SYNPO2L: variants seen among roughly 807,000 people sequenced by gnomAD.
The protein encoded by SYNPO2L is synaptopodin 2 like.
SYNPO2L carries 34 observed loss-of-function variants against 47.5 expected under a neutral mutation model. That is an observed-to-expected ratio of 0.72 (90% CI 0.54 to 0.95). The LOEUF (loss-of-function observed/expected upper bound fraction) is 0.95, where lower values mean the gene tolerates loss of function less well. SYNPO2L is among the 40% of genes least tolerant of loss of function. The pLI is 0.00. For missense variants in SYNPO2L, 1,246 were observed against 1,282.0 expected (o/e 0.97, Z 0.43); for synonymous variants, 536 against 524.9 (o/e 1.02, Z -0.29).
chr10:73,653,752 G>T, intron 2 of SYNPO2L, 99 bp from the exon 3 acceptor site: 1 of 1,402,518 alleles, frequency 7.1e-7, no homozygotes. Flanking sequence ...GGAGGGAAGA[G>T]GTAAGGGAGA....
intron 3 of SYNPO2L, among the ~76,000 whole-genome samples, chr10:73,652,066 CAAA>C (rs1178972762): frequency 4.2e-5 from 2 of 47,798 alleles, no homozygotes; most frequent in Non-Finnish European, 5.8e-5. Context: ...GACTCTATCT[CAAA>C]AAAAAAAAAA....
Position 73,654,199 on chromosome 10 carries a change from T to C in SYNPO2L, c.187A>G (p.Asn63Asp), listed in dbSNP as rs752539500. The change falls in exon 2 of 4, where the codon AAC (asparagine) becomes GAC (aspartate). Residue 63 changes from asparagine to aspartate, a missense_variant. Physicochemically the swap from Asn to Asp is conservative, Grantham distance 23. This residue lies in a region of SYNPO2L where 148 missense variants were observed against 204.8 expected (regional missense o/e 0.72). Coordinates refer to ENST00000394810, the MANE Select transcript of SYNPO2L (RefSeq NM_001114133.3). Reference protein sequence around the residue: ...LLAINGVSCTNLSHASAMSLI... With the variant: ...LLAINGVSCTDLSHASAMSLI... ...CTCATGGCACTGGCATGGGAGAGGT[T>C]GGTGCAAGAGACCCCATTGATTGCC... The C allele has an allele frequency of 6.4e-7, 1 of 1,551,594 alleles. No homozygotes were observed. The highest frequency in any genetic ancestry group is 1.2e-5 in the South Asian group (1 of 84,048).
intron 3 of SYNPO2L, among the ~76,000 whole-genome samples, chr10:73,651,833 T>A (rs2132422164): frequency 6.6e-6 from 1 of 152,168 alleles, no homozygotes. Context: ...CCCAGCACTT[T>A]GGGAGGCCGA....
Position 73,648,479 on chromosome 10 carries a change from A to G in SYNPO2L, c.1173T>C (p.Phe391=). 1.2e-6 allele frequency: 2 copies of G among 1,613,030 alleles called. No homozygotes were observed. The highest frequency in any genetic ancestry group is 8.5e-7 in the Non-Finnish European group (1 of 1,179,858). ...SEVSGRGVQL[F]EQQRQRADSS... ...AGTCTGCGCGCTGGCGCTGCTGTTC[A>G]AAGAGCTGCACCCCTCGCCCAGAGA... is the stretch of plus-strand genomic sequence containing the variant. Residue 391 remains phenylalanine, a synonymous_variant, in exon 4 of 4, where the codon TTT becomes TTC. Coordinates refer to ENST00000394810, the MANE Select transcript of SYNPO2L (RefSeq NM_001114133.3).
At position 73,648,493 on chromosome 10, in the gene SYNPO2L, C is replaced by T. The variant is rs1213495062; in HGVS notation, c.1159G>A (p.Gly387Arg). ...GGQLSEVSGR[G>R]VQLFEQQRQR... is the part of the protein sequence containing the mutation. ...CGCTGCTGTTCAAAGAGCTGCACCCCTCGCCCAGAGACCTCACTCAGCTGC... is the reference window on the plus strand; with the variant it reads ...CGCTGCTGTTCAAAGAGCTGCACCCTTCGCCCAGAGACCTCACTCAGCTGC... The change falls in exon 4 of 4, where the codon GGG becomes AGG. Residue 387 changes from glycine to arginine, a missense_variant. Gly to Arg is a moderately radical substitution (Grantham distance 125). This residue lies in a region of SYNPO2L where 1,037 missense variants were observed against 1,021.5 expected (regional missense o/e 1.02). Coordinates refer to ENST00000394810, the MANE Select transcript of SYNPO2L (RefSeq NM_001114133.3). The T allele has an allele frequency of 6.2e-7, 1 of 1,613,586 alleles. No individual in the cohort carries two copies. Among genetic ancestry groups the T allele is most frequent in the Admixed American group, 1.7e-5 (1 of 60,024 alleles).
chr10:73,646,609 AG>A lies in SYNPO2L; in HGVS notation c.*108del. 1 of 1,342,396 alleles carries A rather than the reference AG, an allele frequency of 7.4e-7. No homozygotes were observed. Among genetic ancestry groups the A allele is most frequent in the Admixed American group, 2.8e-5 (1 of 35,552 alleles). The allele number at this position is 1,342,396 out of a possible 1,614,324, so 83.2% of individuals were successfully genotyped here. On this transcript the variant is annotated 3_prime_UTR_variant, in exon 4 of 4. Coordinates refer to ENST00000394810, the MANE Select transcript of SYNPO2L (RefSeq NM_001114133.3). ...CATCAACTTGGAAACCATCTCTGGCAGGAGGCAATTTAGCTTCCAGATGCGT... is the reference window on the plus strand; with the variant it reads ...CATCAACTTGGAAACCATCTCTGGCAGAGGCAATTTAGCTTCCAGATGCGT...
At position 73,647,865 on chromosome 10, in the gene SYNPO2L, G is replaced by A; in HGVS notation, c.1787C>T (p.Ala596Val). The change falls in exon 4 of 4, where the codon GCG (alanine) becomes GTG (valine). Residue 596 changes from alanine (A) to valine (V), a missense_variant. By Grantham distance (64) the Ala-to-Val change is moderately conservative (BLOSUM62 0). Transcript: ENST00000394810. ...AGGAGCCCCTGGGCCTGGGGCAGGC[G>A]CCTCTGGGCGCGCAGAGGGTCGCAA... The part of the protein sequence containing the change: ...APLRPSARPE[A>V]PAPGPGAPEP... The A allele has an allele frequency of 6.5e-7, 1 of 1,536,138 alleles. No homozygotes were observed. Among genetic ancestry groups the A allele is most frequent in the Non-Finnish European group, 8.7e-7 (1 of 1,145,738 alleles).
rs1035304636 is a variant in SYNPO2L at position 73,647,416 on chromosome 10, C to T, written c.2236G>A (p.Ala746Thr). The T allele has an allele frequency of 8.7e-6, 14 of 1,612,790 alleles. No homozygotes were observed. The highest frequency in any genetic ancestry group is 1.2e-5 in the Non-Finnish European group (14 of 1,179,210). The change falls in exon 4 of 4, where the codon GCT becomes ACT. Residue 746 changes from alanine to threonine, a missense_variant. Transcript: ENST00000394810. Reference protein sequence around the residue: ...DGLVNGAASSAGIPEPPRLQG... With the variant: ...DGLVNGAASSTGIPEPPRLQG... ...AGCCTTGGTGGCTCAGGGATTCCAG[C>T]CGAAGAGGCTGCCCCATTCACGAGC...
At chr10:73,649,997 C>T (rs1270771636) in intron 3 of SYNPO2L, 1 of 985,288 alleles carries the variant, frequency 1.0e-6, no homozygotes, top group South Asian at 4.7e-5. Context: ...CTCAGGCAGC[C>T]ACTGCCAGCC....
chr10:73,648,515 C>T lies in SYNPO2L; in HGVS notation c.1137G>A (p.Gln379=). The T allele has an allele frequency of 6.2e-7, 1 of 1,614,024 alleles. No individual in the cohort carries two copies. The highest frequency in any genetic ancestry group is 1.1e-5 in the South Asian group (1 of 91,090). Residue 379 remains glutamine, a synonymous_variant, in exon 4 of 4, where the codon CAG becomes CAA. Transcript: ENST00000394810. ...SEGQGSGLGG[Q]LSEVSGRGVQ... ...CCCCTCGCCCAGAGACCTCACTCAG[C>T]TGCCCTCCCAGCCCAGAGCCCTGGC...
In SYNPO2L at chr10:73,647,332, C is replaced by T. The variant is rs780778916; in HGVS notation, c.2320G>A (p.Val774Met). 2.5e-6 allele frequency: 4 copies of T among 1,614,080 alleles called. No individual in the cohort carries two copies. Among genetic ancestry groups the T allele is most frequent in the South Asian group, 2.2e-5 (2 of 91,090 alleles). ...AGACCAGGACCAGGTGTACCTTCCA[C>T]CACATACCTGTCCGCACGGCTCTGC... ...KRQSRADRYV[V>M]EGTPGPGLGP... is the part of the protein sequence containing the mutation. The change falls in exon 4 of 4, where the codon GTG becomes ATG. Residue 774 changes from valine to methionine, a missense_variant. By Grantham distance (21) the Val-to-Met change is conservative. Around this residue, in one of 3 missense-constraint regions of SYNPO2L, gnomAD observed 1,037 missense variants for 1,021.5 expected, o/e 1.02. Transcript: ENST00000394810.
chr10:73,645,330 A>G lies in SYNPO2L; in HGVS notation c.*1388T>C. ...CACACGGTTGGTTTCTTGTTACTCA[A>G]CTTTACCTTCTCCCAATATGGCATT... On this transcript the variant is annotated 3_prime_UTR_variant, in exon 4 of 4. Coordinates refer to ENST00000394810, the MANE Select transcript of SYNPO2L (RefSeq NM_001114133.3). The G allele has an allele frequency of 1.9e-6, 2 of 1,066,932 alleles. No homozygotes were observed. The highest frequency in any genetic ancestry group is 2.3e-6 in the Non-Finnish European group (2 of 878,798). 66.1% of individuals were successfully genotyped at this position (1,066,932 alleles called of 1,614,324 possible). A position where few individuals can be genotyped will look rare whatever the true frequency, so the allele number is the denominator to read the frequency against.
rs1332893084 is a variant in SYNPO2L, at chr10:73,648,051, G to A, written c.1601C>T (p.Ser534Phe). The A allele has an allele frequency of 2.5e-6, 4 of 1,591,160 alleles. No homozygotes were observed. In the South Asian group the frequency reaches 3.4e-5, roughly 14 times the overall value. The stretch of plus-strand genomic sequence containing the variant: ...GCCCGAGGAGCGTGGGGTGCTGGGG[G>A]AACCAGAGACTGGCGCGTGGCTGGG... ...GVPSHAPVSG[S>F]PSTPRSSGPV... Residue 534 changes from serine (S) to phenylalanine (F), a missense_variant, in exon 4 of 4, where the codon TCC (serine) becomes TTC (phenylalanine). This residue lies in a region of SYNPO2L where 1,037 missense variants were observed against 1,021.5 expected (regional missense o/e 1.02). Coordinates refer to ENST00000394810, the MANE Select transcript of SYNPO2L (RefSeq NM_001114133.3).
chr10:73,648,038 TG>T lies in SYNPO2L; in HGVS notation c.1613del (p.Pro538HisfsTer7). The T allele has an allele frequency of 6.3e-7, 1 of 1,585,614 alleles. No individual in the cohort carries two copies. Among genetic ancestry groups the T allele is most frequent in the Non-Finnish European group, 8.6e-7 (1 of 1,167,080 alleles). On this transcript the variant is annotated frameshift_variant, in exon 4 of 4. Transcript: ENST00000394810. LOFTEE classifies it low-confidence loss of function (END_TRUNC). Reference sequence around the variant, plus strand: ...TGGCTGTCACAGGGCCCGAGGAGCGTGGGGTGCTGGGGGAACCAGAGACTGG... The same window carrying T: ...TGGCTGTCACAGGGCCCGAGGAGCGTGGGTGCTGGGGGAACCAGAGACTGG... ...HAPVSGSPST[P>X]RSSGPVTATS... is the part of the protein sequence containing the mutation.
rs1230734731 is a variant in SYNPO2L, at chr10:73,647,098, G to A, written c.2554C>T (p.His852Tyr). ...QGIKALDFMR[H>Y]QPYQLKTAMF... ...GCAGTTTTAAGTTGATAGGGCTGATGCCGCATAAAATCTAGAGCCTTGATG... is the reference window on the plus strand; with the variant it reads ...GCAGTTTTAAGTTGATAGGGCTGATACCGCATAAAATCTAGAGCCTTGATG... The change falls in exon 4 of 4, where the codon CAT becomes TAT. Residue 852 changes from histidine (H) to tyrosine (Y), a missense_variant. Coordinates refer to ENST00000394810, the MANE Select transcript of SYNPO2L (RefSeq NM_001114133.3). The A allele has an allele frequency of 1.2e-6, 2 of 1,613,802 alleles. No individual in the cohort carries two copies. The highest frequency in any genetic ancestry group is 1.3e-5 in the African/African-American group (1 of 74,836).
chr10:73,645,818 G>C lies in SYNPO2L; in HGVS notation c.*900C>G. On this transcript the variant is annotated 3_prime_UTR_variant, in exon 4 of 4. Coordinates refer to ENST00000394810, the MANE Select transcript of SYNPO2L (RefSeq NM_001114133.3). ...CAGTACAACGATAAGACTCAGATTG[G>C]GTCTTTTGTTTGTTTGTTTGTTTTG... The C allele has an allele frequency of 1.0e-6, 1 of 985,912 alleles. No homozygotes were observed. The highest frequency in any genetic ancestry group is 1.2e-6 in the Non-Finnish European group (1 of 830,074). 61.1% of individuals were successfully genotyped at this position (985,912 alleles called of 1,614,324 possible).
Position 73,648,372 on chromosome 10 carries a change from C to T in SYNPO2L, c.1280G>A (p.Ser427Asn), listed in dbSNP as rs996299096. Reference sequence around the variant, plus strand: ...GAGCACAGCTGCCTCTGGGGGAGCACTCTGGGCCCGAGGTGGTGACTGCAG... The same window carrying T: ...GAGCACAGCTGCCTCTGGGGGAGCATTCTGGGCCCGAGGTGGTGACTGCAG... ...EGLQSPPRAQSAPPEAAVLPP... is the reference protein window; with the variant it reads ...EGLQSPPRAQNAPPEAAVLPP... Residue 427 changes from serine (S) to asparagine (N), a missense_variant, in exon 4 of 4, where the codon AGT becomes AAT. By Grantham distance (46) the Ser-to-Asn change is conservative. Coordinates refer to ENST00000394810, the MANE Select transcript of SYNPO2L (RefSeq NM_001114133.3). 1 of 1,606,614 alleles carries T rather than the reference C, an allele frequency of 6.2e-7. No homozygotes were observed. Among genetic ancestry groups the T allele is most frequent in the Non-Finnish European group, 8.5e-7 (1 of 1,179,416 alleles).
chr10:73,646,789 TG>T lies in SYNPO2L; in HGVS notation c.2862del (p.Arg955GlyfsTer40). The T allele has an allele frequency of 6.6e-7, 1 of 1,525,836 alleles. No individual in the cohort carries two copies. The highest frequency in any genetic ancestry group is 8.8e-7 in the Non-Finnish European group (1 of 1,139,592). 94.5% of individuals were successfully genotyped at this position (1,525,836 alleles called of 1,614,324 possible). Reference protein sequence around the residue: ...ASPSSCGFQVARPRFSATRTG... With the variant: ...ASPSSCGFQVXRPRFSATRTG... ...GTTCTGGTGGCTGAAAATCGGGGCC[TG>T]GCTACCTGGAAACCGCAGGAGCTGG... On this transcript the variant is annotated frameshift_variant, in exon 4 of 4. Coordinates refer to ENST00000394810, the MANE Select transcript of SYNPO2L (RefSeq NM_001114133.3). LOFTEE classifies it high-confidence loss of function.
Position 73,645,396 on chromosome 10 carries a change from C to T in SYNPO2L, c.*1322G>A, listed in dbSNP as rs1340586844. 16 of 1,005,424 alleles carry T rather than the reference C, an allele frequency of 1.6e-5. No homozygotes were observed. In the South Asian group the frequency reaches 5.4e-4, roughly 34 times the overall value. 62.3% of individuals were successfully genotyped at this position (1,005,424 alleles called of 1,614,324 possible). On this transcript the variant is annotated 3_prime_UTR_variant, in exon 4 of 4. Coordinates refer to ENST00000394810, the MANE Select transcript of SYNPO2L (RefSeq NM_001114133.3). ...TCTGTCTGTGGCTCAATCACTTACA[C>T]TCATTTCTGCCATGCTTCTGATTTT...
Sources: allele counts gnomAD v4.1 joint callset (sites outside exome capture counted in the v4.1 genomes callset), GRCh38; gene constraint gnomAD v4.1.1; regional missense constraint gnomAD v4.1.1; transcripts MANE v1.5; gene names NCBI Gene and HGNC (gene_info 2026-07-23, HGNC 2026-07-21).